The following PDZRN4 variants were observed in gnomAD, a reference collection of about 807,000 sequenced individuals.
PDZRN4 encodes PDZ domain-containing RING finger protein 4.
A neutral mutation model predicts 99.0 loss-of-function variants in PDZRN4; 70 were observed. The observed-to-expected ratio is 0.71, with a 90% CI of 0.58 to 0.86. PDZRN4 has a LOEUF of 0.86. PDZRN4 is among the 40% of genes least tolerant of loss of function. The pLI is 0.00. For synonymous variants in PDZRN4, 551 were observed against 501.6 expected, an observed-to-expected ratio of 1.10 and a Z score of -1.32; for missense variants, 1,474 against 1,331.2, an observed-to-expected ratio of 1.11 and a Z score of -1.67.
intron 3 of PDZRN4, among the ~76,000 whole-genome samples, chr12:41,257,463 A>T (rs998184626): frequency 1.3e-5 from 2 of 152,160 alleles, no homozygotes; most frequent in Non-Finnish European, 2.9e-5. Context: ...TTCAACACAG[A>T]TTTAGAACAT....
chr12:41,228,144 T>G (rs1185098088), intron 3 of PDZRN4, among the ~76,000 whole-genome samples: 4 of 152,098 alleles, frequency 2.6e-5, no homozygotes, highest in Non-Finnish European at 5.9e-5. Context: ...GAATGCCACA[T>G]CTACTTATTA....
At chr12:41,309,663 T>TGATA (rs1238690343) in intron 3 of PDZRN4, among the ~76,000 whole-genome samples, 6 of 152,032 alleles carry the variant, frequency 3.9e-5, no homozygotes, top group African/African-American at 1.4e-4. Context: ...TTAATGGCTG[T>TGATA]AATATGTAAA....
chr12:41,425,036 A>G (rs1952523485), intron 3 of PDZRN4, among the ~76,000 whole-genome samples: 1 of 152,194 alleles, frequency 6.6e-6, no homozygotes, highest in Non-Finnish European at 1.5e-5. Context: ...GGAAGATGGC[A>G]TGGATCGAAA....
chr12:41,249,459 G>A (rs1209724747), intron 3 of PDZRN4, among the ~76,000 whole-genome samples: 1 of 152,146 alleles, frequency 6.6e-6, no homozygotes, highest in African/African-American at 2.4e-5. Flanking sequence ...AGACAATATG[G>A]GAATGTACTG....
intron 3 of PDZRN4, among the ~76,000 whole-genome samples, chr12:41,425,638 AT>A (rs1232381876): frequency 2.0e-5 from 3 of 152,326 alleles, no homozygotes; most frequent in African/African-American, 4.8e-5. Context: ...CAGAAAAAAA[AT>A]ATGTCCACAT....
intron 3 of PDZRN4, among the ~76,000 whole-genome samples, chr12:41,374,187 G>A (rs1952063474): frequency 6.7e-6 from 1 of 148,942 alleles, no homozygotes; most frequent in Non-Finnish European, 1.5e-5. Context: ...CATAACATGT[G>A]TGGGGTGGAG....
chr12:41,266,435 A>G (rs1158147376), intron 3 of PDZRN4, among the ~76,000 whole-genome samples: 1 of 152,124 alleles, frequency 6.6e-6, no homozygotes, highest in African/African-American at 2.4e-5. Context: ...CTAGTTGGAT[A>G]TTGGGAGCTG....
intron 5 of PDZRN4, among the ~76,000 whole-genome samples, chr12:41,511,343 C>G (rs1434399363): frequency 6.6e-6 from 1 of 151,910 alleles, no homozygotes; most frequent in Admixed American, 6.6e-5. Flanking sequence ...CTTACTGTAA[C>G]TGAACCACAA....
chr12:41,551,875 A>G (rs1407392485), intron 5 of PDZRN4, among the ~76,000 whole-genome samples: 1 of 152,218 alleles, frequency 6.6e-6, no homozygotes, highest in Admixed American at 6.5e-5. Flanking sequence ...CATTATATAA[A>G]ACTGAAATAC....
chr12:41,342,778 C>T (rs1304981418), intron 3 of PDZRN4, among the ~76,000 whole-genome samples: 1 of 151,720 alleles, frequency 6.6e-6, no homozygotes. Context: ...ATTAGTGCAG[C>T]CACTATGAAA....
At chr12:41,343,486 AC>A (rs1214103942) in intron 3 of PDZRN4, among the ~76,000 whole-genome samples, 1 of 151,954 alleles carries the variant, frequency 6.6e-6, no homozygotes, top group Non-Finnish European at 1.5e-5. Context: ...CATCCATGTA[AC>A]CAATAACTAC....
At chr12:41,201,798 C>A (rs1950817839) in intron 3 of PDZRN4, among the ~76,000 whole-genome samples, 1 of 152,172 alleles carries the variant, frequency 6.6e-6, no homozygotes, top group Admixed American at 6.6e-5. Flanking sequence ...GAAAATCTAG[C>A]CACAATGGAT....
intron 2 of PDZRN4, 133 bp downstream of exon 2, chr12:41,191,677 T>C: frequency 2.0e-6 from 1 of 505,344 alleles, no homozygotes. Context: ...AGTGGTTTAA[T>C]CTTTAAAATT....
At chr12:41,341,273 C>G (rs1023459753) in intron 3 of PDZRN4, among the ~76,000 whole-genome samples, 8 of 151,670 alleles carry the variant, frequency 5.3e-5, no homozygotes, top group African/African-American at 9.7e-5. Context: ...TGGGGAAAAC[C>G]TGAAACCTCT....
At chr12:41,277,622 T>C (rs1396921872) in intron 3 of PDZRN4, among the ~76,000 whole-genome samples, 1 of 152,212 alleles carries the variant, frequency 6.6e-6, no homozygotes, top group African/African-American at 2.4e-5. Context: ...CCAGACTAGC[T>C]GGACTAATCA....
chr12:41,438,788 G>C (rs1952653502), intron 3 of PDZRN4, among the ~76,000 whole-genome samples: 1 of 152,192 alleles, frequency 6.6e-6, no homozygotes, highest in African/African-American at 2.4e-5. Flanking sequence ...TTAACTTACT[G>C]TTTTATTGGG....
chr12:41,524,653 T>C (rs1938542841), intron 5 of PDZRN4, among the ~76,000 whole-genome samples: 1 of 152,134 alleles, frequency 6.6e-6, no homozygotes. Flanking sequence ...TTGCAAATCA[T>C]AAGGCTTATG....
intron 3 of PDZRN4, among the ~76,000 whole-genome samples, chr12:41,251,839 G>A (rs919023089): frequency 6.6e-6 from 1 of 152,166 alleles, no homozygotes; most frequent in Non-Finnish European, 1.5e-5. Context: ...AATAAGGCGA[G>A]GCATGGTGGC....
chr12:41,442,553 G>A (rs758588891), intron 3 of PDZRN4, among the ~76,000 whole-genome samples: 7 of 152,086 alleles, frequency 4.6e-5, no homozygotes, highest in East Asian at 3.9e-4. Flanking sequence ...CTCATCTGCA[G>A]CCTCTTTAGA....
Sources: allele counts gnomAD v4.1 joint callset (sites outside exome capture counted in the v4.1 genomes callset), GRCh38; gene constraint gnomAD v4.1.1; transcripts MANE v1.5; gene names NCBI Gene and HGNC (gene_info 2026-07-23, HGNC 2026-07-21).